Variants in ROBO2 observed in about 807,000 individuals in gnomAD.
ROBO2 encodes the protein roundabout homolog 2.
A neutral mutation model predicts 160.8 loss-of-function variants in ROBO2; 53 were observed. That is an observed-to-expected ratio of 0.33 (90% CI 0.26 to 0.41). The LOEUF is 0.41. Ranked by LOEUF, ROBO2 falls within the 10% of genes least tolerant of loss-of-function variation. The pLI, the probability that ROBO2 is intolerant of heterozygous loss-of-function variation, is 1.00. For synonymous variants in ROBO2, 664 were observed against 611.7 expected (o/e 1.09, Z -1.26); for missense variants, 1,577 against 1,722.4 (o/e 0.92, Z 1.49).
At chr3:76,219,508 G>C (rs1362443589) in intron 2 of ROBO2, among the ~76,000 whole-genome samples, 1 of 152,150 alleles carries the variant, frequency 6.6e-6, no homozygotes, top group Non-Finnish European at 1.5e-5. Context: ...ATCAAAAAGT[G>C]GGCGAAGGAC....
chr3:77,403,872 GT>G (rs1029293231), intron 2 of ROBO2, among the ~76,000 whole-genome samples: 61 of 148,440 alleles, frequency 4.1e-4, no homozygotes, highest in East Asian at 9.9e-4. Context: ...AATGGAGAGA[GT>G]TTTTTTTTTA....
intron 2 of ROBO2, among the ~76,000 whole-genome samples, chr3:76,514,843 T>C (rs922551908): frequency 7.9e-5 from 12 of 152,226 alleles, no homozygotes; most frequent in African/African-American, 2.9e-4. Flanking sequence ...ATTGCCTGAA[T>C]GAAGTGTTCA....
intron 2 of ROBO2, among the ~76,000 whole-genome samples, chr3:76,974,226 A>C (rs2059706335): frequency 6.6e-6 from 1 of 152,210 alleles, no homozygotes; most frequent in African/African-American, 2.4e-5. Flanking sequence ...TAAAAATTCT[A>C]ATAAACAGCC....
chr3:77,302,417 A>G (rs2062743457), intron 2 of ROBO2, among the ~76,000 whole-genome samples: 1 of 152,174 alleles, frequency 6.6e-6, no homozygotes, highest in Non-Finnish European at 1.5e-5. Flanking sequence ...TGTCTTCATT[A>G]GGTCTTCCAC....
At chr3:76,473,603 T>C (rs545603559) in intron 2 of ROBO2, among the ~76,000 whole-genome samples, 1 of 152,252 alleles carries the variant, frequency 6.6e-6, no homozygotes, top group South Asian at 2.1e-4. Flanking sequence ...AAACTTACTA[T>C]AGAAAATCTG....
intron 2 of ROBO2, among the ~76,000 whole-genome samples, chr3:76,371,232 T>C (rs747073215): frequency 6.6e-6 from 1 of 151,982 alleles, no homozygotes; most frequent in Non-Finnish European, 1.5e-5. Context: ...ATAAAGATGA[T>C]TTATTCCTAT....
intron 2 of ROBO2, among the ~76,000 whole-genome samples, chr3:76,543,657 A>G (rs554127601): frequency 2.0e-5 from 3 of 152,106 alleles, no homozygotes; most frequent in South Asian, 2.1e-4. Context: ...GTAAATGTCT[A>G]TTTCATAGGG....
intron 2 of ROBO2, among the ~76,000 whole-genome samples, chr3:76,088,858 A>C (rs1415718359): frequency 6.6e-6 from 1 of 152,032 alleles, no homozygotes; most frequent in Non-Finnish European, 1.5e-5. Flanking sequence ...GAAATAATAA[A>C]AATTAGTGGA....
intron 2 of ROBO2, among the ~76,000 whole-genome samples, chr3:76,712,304 GA>G (rs34861127): frequency 0.39 from 58,612 of 151,962 alleles, 12,125 homozygotes; most frequent in Non-Finnish European, 0.47. Flanking sequence ...TTTTAGTGAA[GA>G]AAATTCATTT....
intron 1 of ROBO2, among the ~76,000 whole-genome samples, chr3:77,061,668 A>G (rs2066322833): frequency 6.6e-6 from 1 of 152,130 alleles, no homozygotes; most frequent in African/African-American, 2.4e-5. Context: ...CACATATGTG[A>G]ACCAAATGGG....
intron 2 of ROBO2, 56 bp from the exon 3 acceptor site, chr3:77,477,357 CA>C: frequency 1.3e-6 from 2 of 1,575,954 alleles, no homozygotes; most frequent in Non-Finnish European, 1.7e-6. Flanking sequence ...CCTTGTACAA[CA>C]AAAAGCCTAA....
chr3:77,250,420 C>T (rs1050185317), intron 2 of ROBO2, among the ~76,000 whole-genome samples: 2 of 152,128 alleles, frequency 1.3e-5, no homozygotes, highest in African/African-American at 2.4e-5. Flanking sequence ...TTTTCCCTTC[C>T]CCTTTAATAT....
chr3:77,375,904 C>CATTTTAGCCAGAAAAGTCTGCAGAAA (rs1328323549), intron 2 of ROBO2, among the ~76,000 whole-genome samples: 4 of 149,470 alleles, frequency 2.7e-5, no homozygotes, highest in African/African-American at 9.7e-5. Flanking sequence ...CCGATGATTT[C>CATTTTAGCCAGAAAAGTCTGCAGAAA]AGTACTGCAT....
At chr3:76,603,340 AAAAAAAAAAAAAT>A (rs1280552751) in intron 2 of ROBO2, among the ~76,000 whole-genome samples, 2 of 52,044 alleles carry the variant, frequency 3.8e-5, no homozygotes, top group South Asian at 1.5e-3. Flanking sequence ...TCCAAAAAAA[AAAAAAAAAAAAAT>A]ATATATATAT....
chr3:76,258,666 A>C (rs1706551745), intron 2 of ROBO2, among the ~76,000 whole-genome samples: 1 of 151,588 alleles, frequency 6.6e-6, no homozygotes, highest in Admixed American at 6.6e-5. Flanking sequence ...CCTTTTTTAA[A>C]TTTTCAGATA....
At chr3:75,997,607 C>CT (rs200398414) in intron 2 of ROBO2, among the ~76,000 whole-genome samples, 9 of 150,776 alleles carry the variant, frequency 6.0e-5, no homozygotes, top group Admixed American at 5.3e-4. Context: ...ATTCTCCTGC[C>CT]CAGCCTCCCG....
chr3:76,747,196 C>A (rs944018136), intron 2 of ROBO2, among the ~76,000 whole-genome samples: 1 of 151,938 alleles, frequency 6.6e-6, no homozygotes, highest in South Asian at 2.1e-4. Flanking sequence ...TTGTTTTTAC[C>A]CAGAAATATG....
At chr3:76,185,936 A>AT (rs11369944) in intron 2 of ROBO2, among the ~76,000 whole-genome samples, 71,523 of 143,502 alleles carry the variant, frequency 0.5, 18,083 homozygotes, top group Non-Finnish European at 0.53. Flanking sequence ...GGAAACACAG[A>AT]TTTTTTTTTT....
At chr3:76,915,394 C>T (rs540791956) in intron 2 of ROBO2, among the ~76,000 whole-genome samples, 1 of 152,106 alleles carries the variant, frequency 6.6e-6, no homozygotes, top group Non-Finnish European at 1.5e-5. Flanking sequence ...GGTGCGGTGG[C>T]TCACACCTGT....
Sources: gnomAD v4.1 joint callset for allele counts (sites outside exome capture counted in the v4.1 genomes callset) on GRCh38, gnomAD v4.1.1 for gene constraint, MANE v1.5 for transcripts, NCBI Gene and HGNC (gene_info 2026-07-23, HGNC 2026-07-21) for gene names.